CUBN: variants seen among roughly 807,000 people sequenced by gnomAD.
CUBN encodes the protein cubilin.
CUBN carries 282 observed loss-of-function variants against 405.3 expected under a neutral mutation model. The observed-to-expected ratio is 0.70, with a 90% CI of 0.63 to 0.77. The LOEUF is 0.77. Ranked by LOEUF, CUBN falls within the 30% of genes least tolerant of loss-of-function variation. CUBN has a pLI of 0.00. For missense variants in CUBN, 4,514 were observed against 4,475.2 expected, an observed-to-expected ratio of 1.01 and a Z score of -0.25; for synonymous variants, 1,684 against 1,617.0, an observed-to-expected ratio of 1.04 and a Z score of -0.99.
intron 27 of CUBN, among the ~76,000 whole-genome samples, chr10:17,039,085 C>T (rs922730957): frequency 6.6e-5 from 10 of 152,208 alleles, no homozygotes; most frequent in African/African-American, 2.4e-4. Context: ...TTCCTCCCCC[C>T]TCTTTCTGCC....
rs189948516 is a variant in CUBN at position 16,942,339 on chromosome 10, G to A, written c.5343-2102C>T. 2.1e-3 allele frequency among the ~76,000 whole-genome samples: 325 copies of A among 152,206 alleles called. 1 individual carries two copies. Among genetic ancestry groups the A allele is most frequent in the Non-Finnish European group, 3.5e-3 (236 of 68,008 alleles). Reference sequence around the variant, plus strand: ...ATACCCAAAGAAAATAAAAACACATGACCAAGGTAGTATCCTGAATATAAA... The same window carrying A: ...ATACCCAAAGAAAATAAAAACACATAACCAAGGTAGTATCCTGAATATAAA... On this transcript the variant is annotated intron_variant, in intron 36 of 66. Transcript: ENST00000377833.
At chr10:17,006,286 T>G (rs1834023413) in intron 28 of CUBN, among the ~76,000 whole-genome samples, 1 of 152,220 alleles carries the variant, frequency 6.6e-6, no homozygotes, top group African/African-American at 2.4e-5. Flanking sequence ...GACATGTAAA[T>G]AATCATGTAA....
chr10:16,952,195 TAAG>T (rs1407732326), intron 33 of CUBN, 78 bp downstream of exon 33: 1 of 952,530 alleles, frequency 1.0e-6, no homozygotes, highest in African/African-American at 1.6e-5. Flanking sequence ...AGCACTGAGA[TAAG>T]AAGGTTACTC....
At chr10:16,844,140 A>G (rs1040002607) in intron 60 of CUBN, among the ~76,000 whole-genome samples, 3 of 152,106 alleles carry the variant, frequency 2.0e-5, no homozygotes, top group Non-Finnish European at 2.9e-5. Flanking sequence ...GTGGTGGCGC[A>G]GGCCTGTAAT....
At position 16,831,239 on chromosome 10, in the gene CUBN, G is replaced by C; in HGVS notation, c.10528+13C>G. The C allele has an allele frequency of 6.2e-7, 1 of 1,613,014 alleles. No individual in the cohort carries two copies. The highest frequency in any genetic ancestry group is 8.5e-7 in the Non-Finnish European group (1 of 1,178,952). On this transcript the variant is annotated intron_variant, in intron 65 of 66. Transcript: ENST00000377833. ...CTCACAGTGCTTTCCTGTACAAAGT[G>C]CAAATGTCTTACCAGAGGGTGATGA...
intron 6 of CUBN, among the ~76,000 whole-genome samples, chr10:17,121,227 T>G (rs1265079885): frequency 6.6e-6 from 1 of 152,026 alleles, no homozygotes; most frequent in Admixed American, 6.6e-5. Context: ...ATAATTTGAG[T>G]TTATAACCTG....
intron 56 of CUBN, among the ~76,000 whole-genome samples, chr10:16,886,502 G>A (rs940287585): frequency 3.9e-5 from 6 of 152,202 alleles, no homozygotes; most frequent in Non-Finnish European, 7.3e-5. Flanking sequence ...ATGGTTATGA[G>A]TGGTTGAAAA....
chr10:17,100,299 C>T, intron 13 of CUBN, 60 bp from the exon 14 acceptor site: 2 of 1,141,232 alleles, frequency 1.8e-6, no homozygotes, highest in South Asian at 1.3e-5. Context: ...TAAAGTATTT[C>T]TCCCACTTCC....
intron 28 of CUBN, among the ~76,000 whole-genome samples, chr10:17,002,953 G>A (rs1210410636): frequency 6.6e-6 from 1 of 152,110 alleles, no homozygotes; most frequent in African/African-American, 2.4e-5. Flanking sequence ...ACACTAAGAA[G>A]GAACTCATTT....
rs1833711421 is a variant in CUBN, at chr10:16,995,612, G to A, written c.4169-5097C>T. On this transcript the variant is annotated intron_variant, in intron 28 of 66. Transcript: ENST00000377833. Reference sequence around the variant, plus strand: ...CCCAAAGTGCTGGGATTACAGGTATGAGCCACCACACCTGGCCGTGTTTTG... The same window carrying A: ...CCCAAAGTGCTGGGATTACAGGTATAAGCCACCACACCTGGCCGTGTTTTG... 2.0e-5 allele frequency among the ~76,000 whole-genome samples: 3 copies of A among 152,056 alleles called. No individual in the cohort carries two copies. In the South Asian group the frequency reaches 6.2e-4, roughly 31 times the overall value.
intron 17 of CUBN, among the ~76,000 whole-genome samples, chr10:17,081,671 G>C (rs1835971992): frequency 6.6e-6 from 1 of 152,110 alleles, no homozygotes; most frequent in Admixed American, 6.6e-5. Context: ...AACGGGTTCA[G>C]TTCACAAATT....
chr10:16,890,338 A>G, intron 55 of CUBN, 33 bp downstream of exon 55: 1 of 1,611,408 alleles, frequency 6.2e-7, no homozygotes, highest in Admixed American at 1.7e-5. Context: ...ACTCCCGCAA[A>G]GACCTCTGGG....
chr10:17,036,875 G>C (rs1459234825), intron 27 of CUBN, among the ~76,000 whole-genome samples: 1 of 152,166 alleles, frequency 6.6e-6, no homozygotes, highest in African/African-American at 2.4e-5. Context: ...ATCCCTGTGA[G>C]GGTGACAGGA....
rs191818821 is a variant in CUBN at position 16,858,181 on chromosome 10, T to C, written c.9455-6738A>G. Among the ~76,000 whole-genome samples the C allele has an allele frequency of 8.1e-3, 1,240 of 152,294 alleles. 7 individuals carry two copies. The highest frequency in any genetic ancestry group is 0.014 in the Non-Finnish European group (958 of 68,020). On this transcript the variant is annotated intron_variant, in intron 59 of 66. Coordinates refer to ENST00000377833, the MANE Select transcript of CUBN (RefSeq NM_001081.4). ...AGGCCTAAATAAGTCTAGATACATATATGTTCATGGATTGGAAAACTCAAC... is the reference window on the plus strand; with the variant it reads ...AGGCCTAAATAAGTCTAGATACATACATGTTCATGGATTGGAAAACTCAAC...
Position 16,876,911 on chromosome 10 carries a change from G to T in CUBN, c.9092C>A (p.Ser3031Tyr). ...TGGCTACTCACAGATTATCCTATAGGAAAACTTGAATCCGAAGTCTGTGAT... is the reference window on the plus strand; with the variant it reads ...TGGCTACTCACAGATTATCCTATAGTAAAACTTGAATCCGAAGTCTGTGAT... ...EQITDFGFKFSYRIISCGGVF... is the reference protein window; with the variant it reads ...EQITDFGFKFYYRIISCGGVF... Residue 3031 changes from serine (S) to tyrosine (Y), a missense_variant, in exon 57 of 67, where the codon TCC (serine) becomes TAC (tyrosine). By Grantham distance (144) the Ser-to-Tyr change is moderately radical. This residue lies in a region of CUBN where 1,186 missense variants were observed against 1,186.9 expected (regional missense o/e 1.00). Coordinates refer to ENST00000377833, the MANE Select transcript of CUBN (RefSeq NM_001081.4). The T allele has an allele frequency of 1.2e-6, 2 of 1,614,022 alleles. No individual in the cohort carries two copies. The highest frequency in any genetic ancestry group is 4.5e-5 in the East Asian group (2 of 44,868).
At chr10:17,016,693 T>G (rs549742941) in intron 28 of CUBN, among the ~76,000 whole-genome samples, 5 of 151,636 alleles carry the variant, frequency 3.3e-5, no homozygotes, top group South Asian at 4.2e-4. Flanking sequence ...ATCCCGGGGG[T>G]TTTTGTGGTC....
chr10:16,829,610 A>G (rs1373071030), intron 65 of CUBN, among the ~76,000 whole-genome samples: 1 of 152,180 alleles, frequency 6.6e-6, no homozygotes, highest in African/African-American at 2.4e-5. Flanking sequence ...TTTGGTGTTA[A>G]TTTGTTCAAT....
chr10:17,062,301 C>T (rs780346546), intron 22 of CUBN, among the ~76,000 whole-genome samples: 5 of 152,048 alleles, frequency 3.3e-5, no homozygotes, highest in African/African-American at 7.2e-5. Context: ...AAAATGAATC[C>T]GGTACATTTA....
At chr10:17,076,633 T>A (rs1280759109) in intron 17 of CUBN, among the ~76,000 whole-genome samples, 1 of 152,210 alleles carries the variant, frequency 6.6e-6, no homozygotes, top group Non-Finnish European at 1.5e-5. Flanking sequence ...TACGGAGAAT[T>A]AATACATAAT....
Sources: gnomAD v4.1 joint callset for allele counts (sites outside exome capture counted in the v4.1 genomes callset) on GRCh38, gnomAD v4.1.1 for gene constraint, gnomAD v4.1.1 regional missense constraint, MANE v1.5 for transcripts, NCBI Gene and HGNC (gene_info 2026-07-23, HGNC 2026-07-21) for gene names.